The following PRIM2 variants were observed in gnomAD, a reference collection of about 807,000 sequenced individuals.
PRIM2 encodes the protein DNA primase subunit 2, also known as DNA primase large subunit.
A neutral mutation model predicts 67.3 loss-of-function variants in PRIM2; 39 were observed. That is an observed-to-expected ratio of 0.58 (90% CI 0.45 to 0.76). The LOEUF (loss-of-function observed/expected upper bound fraction) is 0.76. PRIM2 is among the 30% of genes least tolerant of loss of function. The pLI, the probability that PRIM2 is intolerant of heterozygous loss-of-function variation, is 0.00. For synonymous variants in PRIM2, 143 were observed against 198.7 expected, an observed-to-expected ratio of 0.72 and a Z score of 2.36; for missense variants, 398 against 598.7, an observed-to-expected ratio of 0.66 and a Z score of 3.50.
At chr6:57,429,026 C>G (rs528058440) in intron 7 of PRIM2, among the ~76,000 whole-genome samples, 1 of 152,204 alleles carries the variant, frequency 6.6e-6, no homozygotes, top group Non-Finnish European at 1.5e-5. Context: ...TTTATACCAT[C>G]TCTGCAGCCT....
intron 5 of PRIM2, among the ~76,000 whole-genome samples, chr6:57,335,280 G>A (rs1161931767): frequency 1.3e-5 from 2 of 152,248 alleles, no homozygotes; most frequent in Non-Finnish European, 2.9e-5. Flanking sequence ...CAGCGAGGCT[G>A]GGGGAGGGGC....
intron 7 of PRIM2, among the ~76,000 whole-genome samples, chr6:57,421,106 A>G (rs1314841501): frequency 1.3e-5 from 2 of 152,212 alleles, no homozygotes. Context: ...AAGCTCAAAG[A>G]TGGTAGACCA....
intron 8 of PRIM2, among the ~76,000 whole-genome samples, chr6:57,511,662 A>T (rs1180364529): frequency 6.6e-6 from 1 of 152,062 alleles, no homozygotes; most frequent in African/African-American, 2.4e-5. Context: ...ATTCTTAGTC[A>T]GCTTTCTCAG....
In PRIM2 at chr6:57,403,249, ATTTTTTT is replaced by A. The variant is rs71299587; in HGVS notation, c.693+21099_693+21105del. On this transcript the variant is annotated intron_variant, in intron 7 of 13. Transcript: ENST00000615550. ...TTTGAAGGGATAGTTCAGGTGAAGAATTTTTTTTTTTTTTTTTTTTTTTTGGAGATCC... is the reference window on the plus strand; with the variant it reads ...TTTGAAGGGATAGTTCAGGTGAAGAATTTTTTTTTTTTTTTTTGGAGATCC... Among the ~76,000 whole-genome samples the A allele has an allele frequency of 4.9e-3, 544 of 110,198 alleles. 4 individuals carry two copies. The highest frequency in any genetic ancestry group is 0.017 in the African/African-American group (469 of 27,766). 72.3% of individuals were successfully genotyped at this position (110,198 alleles called of 152,430 possible).
At chr6:57,643,633 A>G (rs1206035333) in intron 13 of PRIM2, among the ~76,000 whole-genome samples, 1 of 152,262 alleles carries the variant, frequency 6.6e-6, no homozygotes, top group Non-Finnish European at 1.5e-5. Context: ...TGCAAAATTT[A>G]TATTGGATTT....
At chr6:57,294,646 G>A in the PRIM2 span, among the ~76,000 whole-genome samples, 7 of 150,738 alleles carry the variant, frequency 4.6e-5, no homozygotes, top group African/African-American at 2.4e-5. Context: ...TAACATATGT[G>A]TATGTATATT....
chr6:57,334,429 A>G (rs1191541895), intron 5 of PRIM2, among the ~76,000 whole-genome samples: 1 of 152,198 alleles, frequency 6.6e-6, no homozygotes, highest in East Asian at 1.9e-4. Context: ...ATACCCAGTA[A>G]TAGATTTTGC....
intron 4 of PRIM2, 127 bp downstream of exon 4, chr6:57,324,407 G>A (rs1273929115): frequency 2.0e-6 from 1 of 510,910 alleles, no homozygotes; most frequent in Non-Finnish European, 3.5e-6. Flanking sequence ...GGTTGATCAT[G>A]GGGTTGAACA....
intron 10 of PRIM2, among the ~76,000 whole-genome samples, chr6:57,557,731 C>T (rs1402537201): frequency 2.6e-5 from 4 of 151,114 alleles, no homozygotes; most frequent in Admixed American, 2.0e-4. Context: ...GTGAGTTTAC[C>T]TATATAACAA....
intron 13 of PRIM2, among the ~76,000 whole-genome samples, chr6:57,644,850 G>T (rs1459828973): frequency 6.6e-6 from 1 of 152,200 alleles, no homozygotes; most frequent in African/African-American, 2.4e-5. Flanking sequence ...AGGCGAGAAG[G>T]CAGGGATTTG....
intron 7 of PRIM2, among the ~76,000 whole-genome samples, chr6:57,407,797 T>TC (rs1181091835): frequency 1.3e-5 from 2 of 152,176 alleles, no homozygotes; most frequent in African/African-American, 4.8e-5. Flanking sequence ...ATGATGATGG[T>TC]GGTGGTAGTG....
At chr6:57,420,502 CA>C (rs200266322) in intron 7 of PRIM2, among the ~76,000 whole-genome samples, 2 of 150,386 alleles carry the variant, frequency 1.3e-5, no homozygotes, top group Non-Finnish European at 3.0e-5. Flanking sequence ...GACTCCATCT[CA>C]AAAAAAAAGA....
the PRIM2 span, among the ~76,000 whole-genome samples, chr6:57,283,991 G>A: frequency 2.0e-5 from 3 of 151,620 alleles, no homozygotes; most frequent in African/African-American, 7.3e-5. Context: ...TTGTAATCTC[G>A]GCATCATTAT....
chr6:57,507,357 G>A, intron 7 of PRIM2, 30 bp from the exon 8 acceptor site: 3 of 1,459,008 alleles, frequency 2.1e-6, no homozygotes, highest in Non-Finnish European at 2.8e-6. Context: ...GGCCTTTGCT[G>A]TTTTTACTAA....
At chr6:57,557,683 G>A (rs1236051036) in intron 10 of PRIM2, among the ~76,000 whole-genome samples, 3 of 151,662 alleles carry the variant, frequency 2.0e-5, no homozygotes, top group South Asian at 4.2e-4. Flanking sequence ...AGCTTAGTAC[G>A]TGGGTGATGA....
intron 8 of PRIM2, among the ~76,000 whole-genome samples, chr6:57,509,887 GA>G (rs1774326819): frequency 6.7e-6 from 1 of 149,176 alleles, no homozygotes; most frequent in Non-Finnish European, 1.5e-5. Context: ...ATATATTTTA[GA>G]AATATATAAA....
chr6:57,602,026 TAGAC>T (rs1490837221), intron 11 of PRIM2, among the ~76,000 whole-genome samples: 1 of 151,900 alleles, frequency 6.6e-6, no homozygotes, highest in African/African-American at 2.4e-5. Flanking sequence ...GTCATATAGA[TAGAC>T]AGATAAGATA....
the PRIM2 span, among the ~76,000 whole-genome samples, chr6:57,246,338 A>G: frequency 1.3e-5 from 2 of 152,246 alleles, no homozygotes; most frequent in Admixed American, 1.3e-4. Flanking sequence ...ATGAAACTAG[A>G]AAGAATACTA....
chr6:57,592,953 A>G (rs1365469886), intron 10 of PRIM2, among the ~76,000 whole-genome samples: 1 of 152,206 alleles, frequency 6.6e-6, no homozygotes, highest in Admixed American at 6.5e-5. Flanking sequence ...AAAAAATATA[A>G]TAAGGTCACT....
Sources: gnomAD v4.1 joint callset for allele counts (sites outside exome capture counted in the v4.1 genomes callset) on GRCh38, gnomAD v4.1.1 for gene constraint, MANE v1.5 for transcripts, NCBI Gene and HGNC (gene_info 2026-07-23, HGNC 2026-07-21) for gene names.